RYR3: variants seen among roughly 807,000 people sequenced by gnomAD.
RYR3 encodes ryanodine receptor 3.
RYR3 carries 207 observed loss-of-function variants against 584.3 expected under a neutral mutation model. That is an observed-to-expected ratio of 0.35 (90% CI 0.32 to 0.40). RYR3 has a LOEUF of 0.40. Ranked by LOEUF, RYR3 falls within the 10% of genes least tolerant of loss-of-function variation. The pLI is 1.00. For synonymous variants in RYR3, 2,416 were observed against 2,248.5 expected (o/e 1.07, Z -2.11); for missense variants, 5,616 against 6,089.2 (o/e 0.92, Z 2.59).
intron 1 of RYR3, among the ~76,000 whole-genome samples, chr15:33,399,479 G>A (rs2042503499): frequency 6.6e-6 from 1 of 151,974 alleles, no homozygotes; most frequent in South Asian, 2.1e-4. Context: ...TCTCTATTAA[G>A]ATACAAAAAA....
chr15:33,375,771 T>C (rs1334367667), intron 1 of RYR3, among the ~76,000 whole-genome samples: 3 of 152,296 alleles, frequency 2.0e-5, no homozygotes, highest in South Asian at 4.1e-4. Flanking sequence ...AATTAAGATA[T>C]AGAACATTTC....
chr15:33,425,376 G>A lies in RYR3; in HGVS notation c.52-48043G>A, dbSNP rs117508217. Among the ~76,000 whole-genome samples, 196 of 152,254 alleles carry A rather than the reference G, an allele frequency of 1.3e-3. 1 individual carries two copies. The highest frequency in any genetic ancestry group is 1.5e-3 in the Non-Finnish European group (101 of 68,030). On this transcript the variant is annotated intron_variant, in intron 1 of 103. Transcript: ENST00000634891. ...AATTCTGACTCCTCCTGTCGTCATTGTATTTCCAAAACAGTTCAGCCTTCT... is the reference window on the plus strand; with the variant it reads ...AATTCTGACTCCTCCTGTCGTCATTATATTTCCAAAACAGTTCAGCCTTCT...
At chr15:33,316,903 G>A (rs1040189276) in intron 1 of RYR3, among the ~76,000 whole-genome samples, 3 of 152,194 alleles carry the variant, frequency 2.0e-5, no homozygotes, top group African/African-American at 7.2e-5. Context: ...AGCCTCTAGT[G>A]TTGGGCTCAC....
chr15:33,811,439 A>G (rs1002615650), intron 72 of RYR3, among the ~76,000 whole-genome samples: 1 of 151,590 alleles, frequency 6.6e-6, no homozygotes, highest in African/African-American at 2.4e-5. Flanking sequence ...TGAACCTGGG[A>G]GACGGAGGTT....
chr15:33,656,485 AT>A (rs58846347), intron 32 of RYR3, among the ~76,000 whole-genome samples: 35,863 of 150,448 alleles, frequency 0.24, 4,456 homozygotes, highest in South Asian at 0.31. Flanking sequence ...CCTTGTAGGC[AT>A]TTTTTTTTTA....
At chr15:33,349,069 G>T (rs1972856212) in intron 1 of RYR3, among the ~76,000 whole-genome samples, 1 of 144,252 alleles carries the variant, frequency 6.9e-6, no homozygotes, top group Non-Finnish European at 1.5e-5. Context: ...TGCACTTAAG[G>T]TTCCTCTGTA....
chr15:33,435,911 C>T (rs2045682206), intron 1 of RYR3, among the ~76,000 whole-genome samples: 1 of 152,178 alleles, frequency 6.6e-6, no homozygotes, highest in African/African-American at 2.4e-5. Context: ...AGCTTTTATT[C>T]CCTTATTTGA....
In RYR3 at chr15:33,589,398, A is replaced by C. The variant is rs538223243; in HGVS notation, c.1788+3282A>C. On this transcript the variant is annotated intron_variant, in intron 16 of 103. Transcript: ENST00000634891. ...GCATAGTTGGCAGATATTTTCTCCTATTCTATAGGTTTTCTGTTCACTCTA... is the reference window on the plus strand; with the variant it reads ...GCATAGTTGGCAGATATTTTCTCCTCTTCTATAGGTTTTCTGTTCACTCTA... 3.9e-5 allele frequency among the ~76,000 whole-genome samples: 6 copies of C among 152,260 alleles called. No individual in the cohort carries two copies. In the South Asian group the frequency reaches 1.2e-3, roughly 32 times the overall value.
intron 1 of RYR3, among the ~76,000 whole-genome samples, chr15:33,421,567 A>T (rs1429869219): frequency 2.0e-5 from 3 of 152,154 alleles, no homozygotes; most frequent in Non-Finnish European, 4.4e-5. Flanking sequence ...AGATGGTGTG[A>T]AATAAGGAAT....
At chr15:33,734,402 ATTTTC>A (rs1422197427) in intron 48 of RYR3, among the ~76,000 whole-genome samples, 3 of 152,182 alleles carry the variant, frequency 2.0e-5, no homozygotes, top group African/African-American at 7.2e-5. Flanking sequence ...ATGAGCCTCT[ATTTTC>A]TTAACGGTAG....
At chr15:33,639,900 GC>G (rs60963445) in intron 27 of RYR3, among the ~76,000 whole-genome samples, 12,037 of 152,162 alleles carry the variant, frequency 0.079, 908 homozygotes, top group East Asian at 0.45. Flanking sequence ...AGCCTCCAAG[GC>G]AAACCCTTTG....
At chr15:33,447,971 G>GGAT (rs1415973529) in intron 1 of RYR3, among the ~76,000 whole-genome samples, 9 of 152,266 alleles carry the variant, frequency 5.9e-5, no homozygotes, top group African/African-American at 2.2e-4. Flanking sequence ...AGCAGAGACA[G>GGAT]GATAATAATA....
In RYR3 at chr15:33,636,525, C is replaced by G; in HGVS notation, c.3531C>G (p.Ala1177=). Residue 1177 remains alanine, a synonymous_variant, in exon 27 of 104, where the codon GCC becomes GCG. Transcript: ENST00000634891. ...LLITNKGSEL[A]FADYEIENGF... is the part of the protein sequence containing the mutation. ...TCACCAACAAAGGCTCTGAACTTGC[C>G]TTCGCTGACTACGAGATTGAGAATG... The G allele has an allele frequency of 6.2e-7, 1 of 1,603,248 alleles. No homozygotes were observed. Among genetic ancestry groups the G allele is most frequent in the African/African-American group, 1.3e-5 (1 of 74,502 alleles).
intron 1 of RYR3, among the ~76,000 whole-genome samples, chr15:33,434,200 A>G (rs1473686921): frequency 1.3e-5 from 2 of 152,210 alleles, no homozygotes; most frequent in Non-Finnish European, 2.9e-5. Context: ...CCATCAAACC[A>G]GTAAATGTAG....
intron 1 of RYR3, among the ~76,000 whole-genome samples, chr15:33,314,970 G>C (rs952693327): frequency 6.6e-6 from 1 of 151,898 alleles, no homozygotes; most frequent in African/African-American, 2.4e-5. Context: ...ACAAAAAACG[G>C]AACTCAGAGT....
At chr15:33,465,074 C>T (rs912452846) in intron 1 of RYR3, among the ~76,000 whole-genome samples, 1 of 152,110 alleles carries the variant, frequency 6.6e-6, no homozygotes, top group East Asian at 1.9e-4. Context: ...ACATGATGCC[C>T]TTCTTTTTAA....
intron 1 of RYR3, among the ~76,000 whole-genome samples, chr15:33,331,531 T>C (rs539729790): frequency 6.6e-6 from 1 of 152,296 alleles, no homozygotes; most frequent in East Asian, 1.9e-4. Flanking sequence ...TGCCTCTAGC[T>C]CTTCTTCTGT....
At chr15:33,388,299 C>G (rs2041765795) in intron 1 of RYR3, among the ~76,000 whole-genome samples, 1 of 152,110 alleles carries the variant, frequency 6.6e-6, no homozygotes, top group African/African-American at 2.4e-5. Flanking sequence ...GAACACAGAT[C>G]TTTCAGATAT....
chr15:33,366,809 A>G (rs781657571), intron 1 of RYR3, among the ~76,000 whole-genome samples: 1 of 152,206 alleles, frequency 6.6e-6, no homozygotes, highest in Non-Finnish European at 1.5e-5. Context: ...CACTTGTTAT[A>G]CATAGTCCAA....
Sources: allele counts gnomAD v4.1 joint callset (sites outside exome capture counted in the v4.1 genomes callset), GRCh38; gene constraint gnomAD v4.1.1; transcripts MANE v1.5; gene names NCBI Gene and HGNC (gene_info 2026-07-23, HGNC 2026-07-21).